Variants in DCHS1 observed in about 807,000 individuals in gnomAD.
DCHS1 encodes dachsous cadherin-related 1.
A neutral mutation model predicts 213.9 loss-of-function variants in DCHS1; 78 were observed. The ratio of observed to expected loss-of-function variants is 0.36; its 90% confidence interval spans 0.30 to 0.44. The LOEUF is 0.44. DCHS1 is among the 20% of genes least tolerant of loss of function. DCHS1 has a pLI of 1.00. For synonymous variants in DCHS1, 1,828 were observed against 1,873.7 expected (o/e 0.98, Z 0.63); for missense variants, 3,946 against 4,395.9 (o/e 0.90, Z 2.89).
chr11:6,626,008 G>T lies in DCHS1; in HGVS notation c.6643C>A (p.Pro2215Thr), dbSNP rs765492280. 6.2e-7 allele frequency: 1 copy of T among 1,612,888 alleles called. No homozygotes were observed. ...QISYSLAASQ[P>T]ARGLFHVDPT... ...TCTACGTGGAACAATCCACGTGCCG[G>T]CTGGGATGCAGCCAGACTGTAGGAA... Residue 2215 changes from proline (P) to threonine (T), a missense_variant, in exon 17 of 21, where the codon CCG (proline) becomes ACG (threonine). This residue lies in a region of DCHS1 where 3,384 missense variants were observed against 3,780.1 expected (regional missense o/e 0.90). Coordinates refer to ENST00000299441, the MANE Select transcript of DCHS1 (RefSeq NM_003737.4). The surrounding 1 kb of genome is among the most constrained non-coding windows in gnomAD (Gnocchi z 5.2).
chr11:6,650,492 C>T (rs1856228005), intron 1 of DCHS1, among the ~76,000 whole-genome samples: 1 of 152,124 alleles, frequency 6.6e-6, no homozygotes, highest in South Asian at 2.1e-4. Context: ...CTAGCAGATA[C>T]CAGGGCATCA....
chr11:6,649,833 G>T (rs184452551), intron 1 of DCHS1, among the ~76,000 whole-genome samples: 4 of 152,178 alleles, frequency 2.6e-5, no homozygotes, highest in African/African-American at 4.8e-5. Context: ...AAAAGTTGGA[G>T]ATGTAGCAAC....
Position 6,626,920 on chromosome 11 carries a change from G to A in DCHS1, c.6119C>T (p.Ala2040Val). ...GCGAGCTGGACGGCCAAGATCAGTGGCCACAATGAAGAGGACACGATCTCG... is the reference window on the plus strand; with the variant it reads ...GCGAGCTGGACGGCCAAGATCAGTGACCACAATGAAGAGGACACGATCTCG... ...GPRDRVLFIV[A>V]TDLGRPARSA... is the part of the protein sequence containing the mutation. The change falls in exon 14 of 21, where the codon GCC becomes GTC. Residue 2040 changes from alanine (A) to valine (V), a missense_variant. Physicochemically the swap from Ala to Val is moderately conservative, Grantham distance 64 (BLOSUM62 0). Around this residue, in one of 3 missense-constraint regions of DCHS1, gnomAD observed 3,384 missense variants for 3,780.1 expected, o/e 0.90. Transcript: ENST00000299441. The surrounding 1 kb of genome is among the most constrained non-coding windows in gnomAD (Gnocchi z 5.2). 6.2e-7 allele frequency: 1 copy of A among 1,613,698 alleles called. No individual in the cohort carries two copies.
At chr11:6,652,105 G>A (rs138617978) in intron 1 of DCHS1, among the ~76,000 whole-genome samples, 1 of 152,322 alleles carries the variant, frequency 6.6e-6, no homozygotes, top group Non-Finnish European at 1.5e-5. Context: ...CCTCAAAGCA[G>A]ACTGAGAGAA....
Position 6,631,765 on chromosome 11 carries a change from T to G in DCHS1, c.3526A>C (p.Ser1176Arg). 6.3e-7 allele frequency: 1 copy of G among 1,584,396 alleles called. No individual in the cohort carries two copies. Among genetic ancestry groups the G allele is most frequent in the Non-Finnish European group, 8.6e-7 (1 of 1,166,038 alleles). Residue 1176 changes from serine to arginine, a missense_variant, in exon 7 of 21, where the codon AGC (serine) becomes CGC (arginine). By Grantham distance (110) the Ser-to-Arg change is moderately radical. Transcript: ENST00000299441. ...LQTLDREQQS[S>R]YQLLVQVQDG... ...TGCACCTGCACCAGGAGCTGATAGC[T>G]GCTCTGCTGCTCACGGTCCAGGGTT... is the stretch of plus-strand genomic sequence containing the variant.
In DCHS1 at chr11:6,631,169, C is replaced by T; in HGVS notation, c.3814G>A (p.Glu1272Lys). ...ATCAGGGGAGCTGCAGTGAGCAGCT[C>T]CCCTGAGTGAGGGTGCAGAGAGAAA... is the stretch of plus-strand genomic sequence containing the variant. ...ELFSLHPHSG[E>K]LLTAAPLIRA... The change falls in exon 9 of 21, where the codon GAG becomes AAG. Residue 1272 changes from glutamate to lysine, a missense_variant. Transcript: ENST00000299441. 6.2e-7 allele frequency: 1 copy of T among 1,611,642 alleles called. No individual in the cohort carries two copies. Among genetic ancestry groups the T allele is most frequent in the Non-Finnish European group, 8.5e-7 (1 of 1,178,526 alleles).
rs767006578 is a variant in DCHS1, at chr11:6,627,170, C to T, written c.5869G>A (p.Ala1957Thr). 13 of 1,612,278 alleles carry T rather than the reference C, an allele frequency of 8.1e-6. No homozygotes were observed. The African/African-American group carries it at 1.6e-4, about 20-fold the overall frequency. The change falls in exon 14 of 21, where the codon GCA becomes ACA. Residue 1957 changes from alanine to threonine, a missense_variant. By Grantham distance (58) the Ala-to-Thr change is moderately conservative. This residue lies in a region of DCHS1 where 3,384 missense variants were observed against 3,780.1 expected (regional missense o/e 0.90). Transcript: ENST00000299441. This position sits in a 1 kb window ranked among gnomAD's most constrained non-coding sequence, Gnocchi z 5.4. ...TITVRDVNDH[A>T]PTFPTSPLRL... is the part of the protein sequence containing the mutation. ...AGAGGACTGGTGGGGAAGGTGGGTG[C>T]ATGGTCATTGACATCGCGCACCGTG...
chr11:6,624,624 C>A (rs960835910), intron 20 of DCHS1, 106 bp downstream of exon 20: 2 of 1,524,614 alleles, frequency 1.3e-6, no homozygotes, highest in African/African-American at 2.7e-5. Flanking sequence ...CCTCCCTAGG[C>A]CAGAGATCCA....
Position 6,630,282 on chromosome 11 carries a change from C to T in DCHS1, c.4512G>A (p.Glu1504=). The change falls in exon 10 of 21, where the codon GAG becomes GAA. Residue 1504 remains glutamate, a synonymous_variant. Transcript: ENST00000299441. ...CCAGCAGCAGCAGCGCGGGAGTGGTCTCTCGGTCCAGGCCGCGCGGAGCGC... is the reference window on the plus strand; with the variant it reads ...CCAGCAGCAGCAGCGCGGGAGTGGTTTCTCGGTCCAGGCCGCGCGGAGCGC... ...ALSAPRGLDR[E]TTPALLLLVE... 1 of 1,525,374 alleles carries T rather than the reference C, an allele frequency of 6.6e-7. No homozygotes were observed. Among genetic ancestry groups the T allele is most frequent in the Non-Finnish European group, 8.8e-7 (1 of 1,139,766 alleles). 94.5% of individuals were successfully genotyped at this position (1,525,374 alleles called of 1,614,324 possible). A position where few individuals can be genotyped will look rare whatever the true frequency, so the allele number is the denominator to read the frequency against.
Position 6,626,219 on chromosome 11 carries a change from A to G in DCHS1, c.6526T>C (p.Tyr2176His), listed in dbSNP as rs1855799738. The G allele has an allele frequency of 3.7e-6, 6 of 1,611,602 alleles. No individual in the cohort carries two copies. The South Asian group carries it at 4.4e-5, about 12-fold the overall frequency. ...DNAPRFLRPH[Y>H]VAFLPESRPL... ...CGGGACTCAGGAAGGAAGGCCACAT[A>G]ATGGGGCCGCAGGAAACGGGGAGCA... Residue 2176 changes from tyrosine (Y) to histidine (H), a missense_variant, in exon 16 of 21, where the codon TAT (tyrosine) becomes CAT (histidine). Physicochemically the swap from Tyr to His is moderately conservative, Grantham distance 83. Around this residue, in one of 3 missense-constraint regions of DCHS1, gnomAD observed 3,384 missense variants for 3,780.1 expected, o/e 0.90. Coordinates refer to ENST00000299441, the MANE Select transcript of DCHS1 (RefSeq NM_003737.4). This position sits in a 1 kb window ranked among gnomAD's most constrained non-coding sequence, Gnocchi z 5.2.
In DCHS1 at chr11:6,640,181, C is replaced by T. The variant is rs1170803916; in HGVS notation, c.1433G>A (p.Arg478Gln). 20 of 1,613,580 alleles carry T rather than the reference C, an allele frequency of 1.2e-5. No homozygotes were observed. Among genetic ancestry groups the T allele is most frequent in the East Asian group, 8.9e-5 (4 of 44,880 alleles). The change falls in exon 2 of 21, where the codon CGA becomes CAA. Residue 478 changes from arginine (R) to glutamine (Q), a missense_variant. Transcript: ENST00000299441. The surrounding 1 kb of genome is among the most constrained non-coding windows in gnomAD (Gnocchi z 6.5). ...NAPAFDRQLY[R>Q]PEPLPEVALP... ...CGCAACCTCAGGCAGGGGCTCAGGT[C>T]GGTAGAGCTGGCGGTCAAAGGCAGG...
In DCHS1 at chr11:6,630,392, G is replaced by A. The variant is rs1004215330; in HGVS notation, c.4402C>T (p.Pro1468Ser). The part of the protein sequence containing the change: ...FRASDADGPG[P>S]NSDVRYRLLR... Reference sequence around the variant, plus strand: ...AGGCGGTAGCGCACGTCGCTATTGGGGCCGGGGCCGTCGGCGTCCGACGCG... The same window carrying A: ...AGGCGGTAGCGCACGTCGCTATTGGAGCCGGGGCCGTCGGCGTCCGACGCG... The change falls in exon 10 of 21, where the codon CCC (proline) becomes TCC (serine). Residue 1468 changes from proline to serine, a missense_variant. This residue lies in a region of DCHS1 where 3,384 missense variants were observed against 3,780.1 expected (regional missense o/e 0.90). Transcript: ENST00000299441. The A allele has an allele frequency of 2.2e-5, 31 of 1,410,200 alleles. No homozygotes were observed. In the African/African-American group the frequency reaches 3.8e-4, roughly 17 times the overall value. The allele number at this position is 1,410,200 out of a possible 1,614,324, so 87.4% of individuals were successfully genotyped here. A position where few individuals can be genotyped will look rare whatever the true frequency, so the allele number is the denominator to read the frequency against.
Position 6,641,490 on chromosome 11 carries a change from C to A in DCHS1, c.124G>T (p.Gly42Cys), listed in dbSNP as rs1856073376. ...LLGAGVPGAW[G>C]QAGSLDLQID... is the part of the protein sequence containing the mutation. Reference sequence around the variant, plus strand: ...TGCAAGTCCAGGCTCCCAGCCTGACCCCAGGCACCTGGCACCCCAGCCCCC... The same window carrying A: ...TGCAAGTCCAGGCTCCCAGCCTGACACCAGGCACCTGGCACCCCAGCCCCC... The change falls in exon 2 of 21, where the codon GGT (glycine) becomes TGT (cysteine). Residue 42 changes from glycine (G) to cysteine (C), a missense_variant. Gly to Cys is a radical substitution (Grantham distance 159). Coordinates refer to ENST00000299441, the MANE Select transcript of DCHS1 (RefSeq NM_003737.4). This position sits in a 1 kb window ranked among gnomAD's most constrained non-coding sequence, Gnocchi z 7.1. The A allele has an allele frequency of 6.4e-7, 1 of 1,568,978 alleles. No individual in the cohort carries two copies.
Position 6,640,033 on chromosome 11 carries a change from T to G in DCHS1, c.1581A>C (p.Ser527=). The G allele has an allele frequency of 6.2e-7, 1 of 1,613,926 alleles. No individual in the cohort carries two copies. The highest frequency in any genetic ancestry group is 1.1e-5 in the South Asian group (1 of 91,078). Reference sequence around the variant, plus strand: ...GTGAGGCAGCCGTAGTGATAATGCCTGAGGTGGGGTCAATGGAGAACCAGT... The same window carrying G: ...GTGAGGCAGCCGTAGTGATAATGCCGGAGGTGGGGTCAATGGAGAACCAGT... The part of the protein sequence containing the change: ...HTHWFSIDPT[S]GIITTAASLD... The change falls in exon 2 of 21, where the codon TCA becomes TCC. Residue 527 remains serine, a synonymous_variant. Transcript: ENST00000299441. This position sits in a 1 kb window ranked among gnomAD's most constrained non-coding sequence, Gnocchi z 6.5.
chr11:6,644,717 T>A (rs1345288674), intron 1 of DCHS1, among the ~76,000 whole-genome samples: 4 of 152,236 alleles, frequency 2.6e-5, no homozygotes, highest in Admixed American at 2.6e-4. Flanking sequence ...CAGAGCCTCA[T>A]GCTTCCACAC....
Position 6,628,896 on chromosome 11 carries a change from A to T in DCHS1, c.5162-66T>A. 6.6e-7 allele frequency: 1 copy of T among 1,521,998 alleles called. No homozygotes were observed. 94.3% of individuals were successfully genotyped at this position (1,521,998 alleles called of 1,614,324 possible). Reference sequence around the variant, plus strand: ...CCACATGGAGAAATCCACACCACACAGTGTTCATACATGTTCACTAGGTGC... The same window carrying T: ...CCACATGGAGAAATCCACACCACACTGTGTTCATACATGTTCACTAGGTGC... On this transcript the variant is annotated intron_variant, in intron 12 of 20. Coordinates refer to ENST00000299441, the MANE Select transcript of DCHS1 (RefSeq NM_003737.4). The surrounding 1 kb of genome is among the most constrained non-coding windows in gnomAD (Gnocchi z 4.3).
chr11:6,632,779 A>G lies in DCHS1; in HGVS notation c.2733T>C (p.Thr911=), dbSNP rs755649988. 2.5e-6 allele frequency: 4 copies of G among 1,613,722 alleles called. No individual in the cohort carries two copies. Among genetic ancestry groups the G allele is most frequent in the South Asian group, 1.1e-5 (1 of 90,998 alleles). ...CAAGAGCCCGCAGTGTATAGATGGG[A>G]GTCCCTGGGGCAGTGTTTGGTGGTA... ...VLLPPNTAPG[T]PIYTLRALDP... The change falls in exon 6 of 21, where the codon ACT becomes ACC. Residue 911 remains threonine (T), a synonymous_variant. Transcript: ENST00000299441. This position sits in a 1 kb window ranked among gnomAD's most constrained non-coding sequence, Gnocchi z 5.9.
intron 2 of DCHS1, among the ~76,000 whole-genome samples, chr11:6,639,217 T>G (rs61581290): frequency 0.051 from 7,821 of 152,250 alleles, 480 homozygotes; most frequent in African/African-American, 0.15. Context: ...GCCTTTCCAG[T>G]TTCATGTTCC....
At chr11:6,635,304 G>A (rs1252420167) in intron 2 of DCHS1, 3 of 152,128 alleles carry the variant, frequency 2.0e-5, no homozygotes, top group African/African-American at 2.4e-5. Context: ...TTTTTTCACC[G>A]AGTAAATCGA....
Sources: gnomAD v4.1 joint callset for allele counts (sites outside exome capture counted in the v4.1 genomes callset) on GRCh38, gnomAD v4.1.1 for gene constraint, gnomAD v4.1.1 regional missense constraint, Gnocchi (gnomAD v3.1) non-coding constraint, MANE v1.5 for transcripts, NCBI Gene and HGNC (gene_info 2026-07-23, HGNC 2026-07-21) for gene names.